PCDH11X: variants seen among roughly 807,000 people sequenced by gnomAD.
PCDH11X encodes the protein protocadherin-11 X-linked.
In PCDH11X, 18 loss-of-function variants were observed where a neutral mutation model predicts 53.3. The ratio of observed to expected loss-of-function variants is 0.34; its 90% CI spans 0.23 to 0.50. PCDH11X has a LOEUF of 0.50. Among genes scored for constraint, PCDH11X ranks in the 20% least tolerant of loss-of-function variants. The probability of loss-of-function intolerance (pLI) is 0.98; values close to 1 mark genes in which losing one functional copy is unlikely to be tolerated. For synonymous variants in PCDH11X, 279 were observed against 393.3 expected (o/e 0.71, Z 3.44); for missense variants, 570 against 1,032.4 (o/e 0.55, Z 6.14).
At chrX:92,276,070 TA>T (rs1452933667) in intron 8 of PCDH11X, among the ~76,000 whole-genome samples, 2 of 109,651 alleles carry the variant, frequency 1.8e-5, no homozygotes, top group Non-Finnish European at 3.8e-5. Flanking sequence ...TGGGGATAAC[TA>T]AAAAAGAGTG....
intron 8 of PCDH11X, among the ~76,000 whole-genome samples, chrX:92,276,137 G>T (rs1441782507): frequency 9.1e-6 from 1 of 109,384 alleles, no homozygotes; most frequent in Non-Finnish European, 1.9e-5. Flanking sequence ...AAGAAGTTTA[G>T]AAGCCTGGCT....
At chrX:92,382,715 C>T (rs2070906419) in intron 8 of PCDH11X, among the ~76,000 whole-genome samples, 1 of 111,451 alleles carries the variant, frequency 9.0e-6, no homozygotes, top group Non-Finnish European at 1.9e-5. Flanking sequence ...TTTCTCTCTG[C>T]TACTGGCAGA....
At chrX:91,919,637 G>A (rs1385196599) in intron 6 of PCDH11X, among the ~76,000 whole-genome samples, 1 of 110,917 alleles carries the variant, frequency 9.0e-6, no homozygotes, top group Non-Finnish European at 1.9e-5. Flanking sequence ...AACCTTATCA[G>A]GAAGAGAAAG....
intron 8 of PCDH11X, among the ~76,000 whole-genome samples, chrX:92,280,123 A>G (rs1023736913): frequency 8.9e-6 from 1 of 112,470 alleles, no homozygotes; most frequent in African/African-American, 3.2e-5. Context: ...ACACATGCAT[A>G]CACATAGAAA....
At chrX:92,528,561 T>C (rs771225894) in intron 10 of PCDH11X, among the ~76,000 whole-genome samples, 24 of 111,978 alleles carry the variant, frequency 2.1e-4, no homozygotes, top group Non-Finnish European at 4.1e-4. Flanking sequence ...CCAAAAGTGC[T>C]GGGATTACAG....
chrX:91,798,960 T>A (rs1935838327), intron 1 of PCDH11X, among the ~76,000 whole-genome samples: 1 of 110,835 alleles, frequency 9.0e-6, no homozygotes. Flanking sequence ...ATATAATAAA[T>A]CATAAAATGT....
chrX:91,893,593 G>C (rs966544400), intron 6 of PCDH11X, among the ~76,000 whole-genome samples: 7 of 110,252 alleles, frequency 6.3e-5, no homozygotes, highest in African/African-American at 2.3e-4. Flanking sequence ...ACTATGGTTT[G>C]GATGTGTTTG....
chrX:92,332,196 T>C (rs1353255307), intron 8 of PCDH11X, among the ~76,000 whole-genome samples: 10 of 112,513 alleles, frequency 8.9e-5, no homozygotes, highest in Non-Finnish European at 1.7e-4. Context: ...AATGGCATGA[T>C]ATTCAGTGTA....
chrX:92,324,436 C>T (rs896225815), intron 8 of PCDH11X, among the ~76,000 whole-genome samples: 1 of 111,586 alleles, frequency 9.0e-6, no homozygotes, highest in Non-Finnish European at 1.9e-5. Context: ...ATACATTTAC[C>T]TTCACTTATA....
rs145053996 is a variant in PCDH11X, at chrX:92,256,621, G to A, written c.3115-6493G>A. The stretch of plus-strand genomic sequence containing the variant: ...GCAGGTTTGTTACATGGGTAAATGT[G>A]TGCCGTGGTGGTTTGCTGCACAGAT... On this transcript the variant is annotated intron_variant, in intron 7 of 10. Coordinates refer to ENST00000682573, the MANE Select transcript of PCDH11X (RefSeq NM_032968.5). Among the ~76,000 whole-genome samples the A allele has an allele frequency of 7.5e-3, 836 of 111,353 alleles. 8 individuals carry two copies. Among genetic ancestry groups the A allele is most frequent in the African/African-American group, 0.026 (795 of 30,624 alleles).
intron 6 of PCDH11X, among the ~76,000 whole-genome samples, chrX:92,064,808 A>G (rs1296526844): frequency 1.9e-5 from 2 of 106,379 alleles, no homozygotes; most frequent in East Asian, 3.1e-4. Context: ...ATTTCTCTCC[A>G]TGGGGAAATG....
chrX:92,569,030 A>G (rs1921877583), intron 10 of PCDH11X, among the ~76,000 whole-genome samples: 2 of 111,704 alleles, frequency 1.8e-5, no homozygotes, highest in South Asian at 3.7e-4. Context: ...ATTAAAATTT[A>G]TATTTCTGGT....
At chrX:92,273,090 C>A (rs183574109) in intron 8 of PCDH11X, among the ~76,000 whole-genome samples, 30 of 111,561 alleles carry the variant, frequency 2.7e-4, no homozygotes, top group African/African-American at 9.1e-4. Flanking sequence ...CTCTTTCATG[C>A]GCATCCATGT....
At chrX:92,332,285 A>G (rs2069509118) in intron 8 of PCDH11X, among the ~76,000 whole-genome samples, 1 of 111,865 alleles carries the variant, frequency 8.9e-6, no homozygotes. Context: ...TTTTGACAAT[A>G]GCTTTTATTT....
chrX:92,465,283 T>C (rs1318729573), intron 9 of PCDH11X, among the ~76,000 whole-genome samples: 1 of 111,800 alleles, frequency 8.9e-6, no homozygotes, highest in African/African-American at 3.3e-5. Context: ...AGGAGATATA[T>C]GCATATGCAT....
chrX:91,782,251 C>T (rs1302269239), intron 1 of PCDH11X, among the ~76,000 whole-genome samples: 1 of 106,458 alleles, frequency 9.4e-6, no homozygotes, highest in African/African-American at 3.4e-5. Flanking sequence ...GCTGGCGGCC[C>T]GCCGCCGGTT....
chrX:92,593,807 A>G (rs1602406974), intron 10 of PCDH11X, among the ~76,000 whole-genome samples: 1 of 107,457 alleles, frequency 9.3e-6, no homozygotes, highest in Non-Finnish European at 1.9e-5. Context: ...TAGAGAATGG[A>G]CCTGCTGTTT....
chrX:92,310,700 T>C (rs2068930333), intron 8 of PCDH11X, among the ~76,000 whole-genome samples: 1 of 111,096 alleles, frequency 9.0e-6, no homozygotes, highest in Admixed American at 9.6e-5. Flanking sequence ...TAAATGGTAA[T>C]TTTAAAATAT....
chrX:91,974,163 T>A (rs1236045716), intron 6 of PCDH11X, among the ~76,000 whole-genome samples: 1 of 111,607 alleles, frequency 9.0e-6, no homozygotes, highest in African/African-American at 3.3e-5. Context: ...CAGTTATCCA[T>A]GATTTATTTT....
Sources: allele counts gnomAD v4.1 joint callset (sites outside exome capture counted in the v4.1 genomes callset), GRCh38; gene constraint gnomAD v4.1.1; transcripts MANE v1.5; gene names NCBI Gene and HGNC (gene_info 2026-07-23, HGNC 2026-07-21).